The following SPATA13 variants were observed in gnomAD, a reference collection of about 807,000 sequenced individuals.
The protein encoded by SPATA13 is spermatogenesis-associated protein 13.
In SPATA13, 50 loss-of-function variants were observed where a neutral mutation model predicts 104.0. The observed-to-expected ratio is 0.48, with a 90% CI of 0.38 to 0.61. The LOEUF (loss-of-function observed/expected upper bound fraction) is 0.61, where lower values mean the gene tolerates loss of function less well. SPATA13 is among the 20% of genes least tolerant of loss of function. The pLI, the probability that SPATA13 is intolerant of heterozygous loss-of-function variation, is 0.00. For synonymous variants in SPATA13, 606 were observed against 667.5 expected, an observed-to-expected ratio of 0.91 and a Z score of 1.42; for missense variants, 1,524 against 1,690.6, an observed-to-expected ratio of 0.90 and a Z score of 1.73.
chr13:24,299,897 T>A (rs940567923), intron 11 of SPATA13, among the ~76,000 whole-genome samples: 1 of 152,204 alleles, frequency 6.6e-6, no homozygotes, highest in Non-Finnish European at 1.5e-5. Flanking sequence ...TACTGGACTT[T>A]ACAGTGAGGG....
At chr13:24,024,761 T>C (rs1877131110) in intron 3 of SPATA13, among the ~76,000 whole-genome samples, 1 of 150,624 alleles carries the variant, frequency 6.6e-6, no homozygotes, top group African/African-American at 2.4e-5. Flanking sequence ...AAATTGAAAT[T>C]CAGCTATATT....
Position 24,119,060 on chromosome 13 carries a change from C to T in SPATA13, c.-112+101359C>T, listed in dbSNP as rs532875461. Among the ~76,000 whole-genome samples, 380 of 152,070 alleles carry T rather than the reference C, an allele frequency of 2.5e-3. 3 individuals carry two copies. The highest frequency in any genetic ancestry group is 9.0e-3 in the African/African-American group (373 of 41,492). ...AGTTGGGCCTGCAGGCGCCTGCCAC[C>T]GCTCCCTGCTAATTTTTTTTGTATT... is the stretch of plus-strand genomic sequence containing the variant. On this transcript the variant is annotated intron_variant, in intron 3 of 14. Coordinates refer to the SPATA13 transcript ENST00000424834.
intron 2 of SPATA13, among the ~76,000 whole-genome samples, chr13:24,002,586 AT>A (rs2137674760): frequency 6.6e-6 from 1 of 152,206 alleles, no homozygotes; most frequent in East Asian, 1.9e-4. Flanking sequence ...GAGTCTCCCC[AT>A]CCCTCCTGGT....
intron 1 of SPATA13, among the ~76,000 whole-genome samples, chr13:23,983,235 G>GT (rs61523191): frequency 0.28 from 41,854 of 151,976 alleles, 6,407 homozygotes; most frequent in Non-Finnish European, 0.34. Context: ...TGCAGGGATG[G>GT]TTTTTTCTGA....
chr13:24,107,237 CAAAAAAAAAA>C (rs11421515), intron 3 of SPATA13, among the ~76,000 whole-genome samples: 1 of 34,266 alleles, frequency 2.9e-5, no homozygotes, highest in South Asian at 2.3e-3. Flanking sequence ...GAACAAGAGG[CAAAAAAAAAA>C]AAAAAAAAAA....
chr13:23,982,069 G>A (rs1365801746), intron 1 of SPATA13, among the ~76,000 whole-genome samples: 1 of 152,222 alleles, frequency 6.6e-6, no homozygotes, highest in African/African-American at 2.4e-5. Context: ...GTAAAGATGT[G>A]TGTGTTTTAA....
intron 3 of SPATA13, among the ~76,000 whole-genome samples, chr13:24,135,504 T>A (rs1456104965): frequency 6.6e-6 from 1 of 151,996 alleles, no homozygotes; most frequent in Non-Finnish European, 1.5e-5. Flanking sequence ...AAGACCATCC[T>A]GGCTAACACA....
At chr13:24,005,046 T>C (rs1054813719) in intron 2 of SPATA13, among the ~76,000 whole-genome samples, 11 of 152,228 alleles carry the variant, frequency 7.2e-5, no homozygotes, top group Non-Finnish European at 1.6e-4. Context: ...AGGTTATCTT[T>C]GCCACATTGC....
rs1212066778 is a variant in SPATA13, at chr13:24,224,016, C to G, written c.1087C>G (p.Arg363Gly). ...CAGCCGGCTGCATGACGACTACTCC[C>G]GCCGCGTCTCCAGGAGCACTGAGCA... ...AHSRLHDDYS[R>G]RVSRSTEQDS... The change falls in exon 2 of 13, where the codon CGC (arginine) becomes GGC (glycine). Residue 363 changes from arginine (R) to glycine (G), a missense_variant. Around this residue, in one of 2 missense-constraint regions of SPATA13, gnomAD observed 1,089 missense variants for 1,135.9 expected, o/e 0.96. Transcript: ENST00000382108. 1 of 1,548,736 alleles carries G rather than the reference C, an allele frequency of 6.5e-7. No individual in the cohort carries two copies. The highest frequency in any genetic ancestry group is 8.7e-7 in the Non-Finnish European group (1 of 1,145,510).
In SPATA13 at chr13:24,223,114, C is replaced by A. The variant is rs1871698016; in HGVS notation, c.185C>A (p.Thr62Asn). The change falls in exon 2 of 13, where the codon ACC becomes AAC. Residue 62 changes from threonine (T) to asparagine (N), a missense_variant. Around this residue, in one of 2 missense-constraint regions of SPATA13, gnomAD observed 1,089 missense variants for 1,135.9 expected, o/e 0.96. Coordinates refer to ENST00000382108, the MANE Select transcript of SPATA13 (RefSeq NM_001166271.3). ...CGCSPGGDTD[T>N]QEAKLSPAKL... ...TGCAGCCCTGGTGGCGACACGGACACCCAGGAAGCCAAACTCAGCCCAGCC... is the reference window on the plus strand; with the variant it reads ...TGCAGCCCTGGTGGCGACACGGACAACCAGGAAGCCAAACTCAGCCCAGCC... The A allele has an allele frequency of 6.4e-7, 1 of 1,551,586 alleles. No homozygotes were observed. Among genetic ancestry groups the A allele is most frequent in the South Asian group, 1.2e-5 (1 of 84,074 alleles).
chr13:24,285,008 C>T (rs1010660760), intron 5 of SPATA13, among the ~76,000 whole-genome samples: 1 of 151,054 alleles, frequency 6.6e-6, no homozygotes, highest in Admixed American at 6.6e-5. Context: ...GCAGCTTTAG[C>T]TTTTTTTTTA....
intron 1 of SPATA13, among the ~76,000 whole-genome samples, chr13:24,212,896 A>C (rs1482947154): frequency 1.3e-5 from 2 of 152,252 alleles, no homozygotes; most frequent in Admixed American, 1.3e-4. Flanking sequence ...AACAACAGTC[A>C]AACAAAACCA....
intron 1 of SPATA13, among the ~76,000 whole-genome samples, chr13:24,212,777 T>G (rs17364832): frequency 0.23 from 35,174 of 152,198 alleles, 4,415 homozygotes; most frequent in South Asian, 0.3. Flanking sequence ...GTTTGGTGGA[T>G]AGGCAGGCTC....
At chr13:24,199,005 G>C (rs922058916) in intron 1 of SPATA13, among the ~76,000 whole-genome samples, 1 of 136,374 alleles carries the variant, frequency 7.3e-6, no homozygotes, top group Non-Finnish European at 1.7e-5. Flanking sequence ...CTGGAGTGCA[G>C]TGGTTCATTC....
chr13:24,238,540 A>G (rs1381191989), intron 2 of SPATA13, among the ~76,000 whole-genome samples: 1 of 151,988 alleles, frequency 6.6e-6, no homozygotes, highest in African/African-American at 2.4e-5. Context: ...TTTTCTGGCC[A>G]TTTGTTTTGG....
chr13:24,163,815 A>T (rs774573575), intron 1 of SPATA13, among the ~76,000 whole-genome samples: 4 of 151,952 alleles, frequency 2.6e-5, no homozygotes, highest in Non-Finnish European at 5.9e-5. Context: ...TGGTAGGTTG[A>T]CCTCTCTGTT....
At chr13:24,157,565 G>T (rs572006620), upstream of SPATA13, among the ~76,000 whole-genome samples, 3 of 152,300 alleles carry the variant, frequency 2.0e-5, no homozygotes, top group East Asian at 3.9e-4. Flanking sequence ...CTCCCAAAGT[G>T]CTGGGATTAC....
At chr13:24,144,256 C>T (rs574563134) in intron 3 of SPATA13, among the ~76,000 whole-genome samples, 62 of 152,280 alleles carry the variant, frequency 4.1e-4, no homozygotes, top group African/African-American at 1.4e-3. Context: ...ATCCACTCTC[C>T]CACATGCCTC....
rs563454685 is a variant in SPATA13 at position 24,296,711 on chromosome 13, G to T, written c.3211-652G>T. Among the ~76,000 whole-genome samples the T allele has an allele frequency of 2.0e-5, 3 of 152,146 alleles. No homozygotes were observed. The East Asian group carries it at 5.8e-4, about 29-fold the overall frequency. On this transcript the variant is annotated intron_variant, in intron 10 of 12. Coordinates refer to ENST00000382108, the MANE Select transcript of SPATA13 (RefSeq NM_001166271.3). The stretch of plus-strand genomic sequence containing the variant: ...AGCTGCTGTTTCAGATCTTGACTGG[G>T]TTCCATTAATTCAGCATGCCTCTTA...
Sources: allele counts gnomAD v4.1 joint callset (sites outside exome capture counted in the v4.1 genomes callset), GRCh38; gene constraint gnomAD v4.1.1; regional missense constraint gnomAD v4.1.1; transcripts MANE v1.5; gene names NCBI Gene and HGNC (gene_info 2026-07-23, HGNC 2026-07-21).